Variants in ZNF740 observed in about 807,000 individuals in gnomAD.
ZNF740 encodes zinc finger protein 740, also known as oriLyt TD-element-binding protein 7.
In ZNF740, 14 loss-of-function variants were observed where a neutral mutation model predicts 24.8. The observed-to-expected ratio is 0.56, with a 90% CI of 0.37 to 0.88. The LOEUF is 0.88. ZNF740 is among the 40% of genes least tolerant of loss of function. The probability of loss-of-function intolerance (pLI) is 0.00; values close to 1 mark genes in which losing one functional copy is unlikely to be tolerated. For synonymous variants in ZNF740, 69 were observed against 84.0 expected (o/e 0.82, Z 0.98); for missense variants, 201 against 247.9 (o/e 0.81, Z 1.27).
At chr12:53,184,368 T>C (rs544435598) in intron 2 of ZNF740, among the ~76,000 whole-genome samples, 15 of 152,224 alleles carry the variant, frequency 9.9e-5, no homozygotes, top group African/African-American at 3.1e-4. Context: ...CTTGTATTTT[T>C]AGTATAGACA....
In ZNF740 at chr12:53,182,305, T is replaced by C. The variant is rs868795299; in HGVS notation, c.9+313T>C. 34 of 292,964 alleles carry C rather than the reference T, an allele frequency of 1.2e-4. No homozygotes were observed. In the Middle Eastern group the frequency reaches 2.8e-3, roughly 24 times the overall value. 18.1% of individuals were successfully genotyped at this position (292,964 alleles called of 1,614,324 possible). A position where few individuals can be genotyped will look rare whatever the true frequency, so the allele number is the denominator to read the frequency against. On this transcript the variant is annotated intron_variant, in intron 2 of 6. Coordinates refer to ENST00000416904, the MANE Select transcript of ZNF740 (RefSeq NM_001004304.4). ...GTAAGGGAGTGAATAGTACGGTGAATGCTTCTTTTGTTTTTTTCCAACAGG... is the reference window on the plus strand; with the variant it reads ...GTAAGGGAGTGAATAGTACGGTGAACGCTTCTTTTGTTTTTTTCCAACAGG...
At chr12:53,184,220 G>A (rs796492988) in intron 2 of ZNF740, among the ~76,000 whole-genome samples, 3 of 136,128 alleles carry the variant, frequency 2.2e-5, no homozygotes, top group Admixed American at 7.8e-5. Context: ...AGGGATTCTC[G>A]CTCTGTTGCC....
In ZNF740 at chr12:53,192,559, G is replaced by C. The variant is rs756902852; in HGVS notation, c.*4969G>C. The stretch of plus-strand genomic sequence containing the variant: ...AGTCCCTGTGTAGTAGATGCCAATA[G>C]GTTACCAGCTGGGCAGTTGTCACCC... On this transcript the variant is annotated 3_prime_UTR_variant, in exon 7 of 7. Coordinates refer to ENST00000416904, the MANE Select transcript of ZNF740 (RefSeq NM_001004304.4). 6.2e-7 allele frequency: 1 copy of C among 1,611,698 alleles called. No individual in the cohort carries two copies. The highest frequency in any genetic ancestry group is 1.3e-5 in the African/African-American group (1 of 75,034).
At position 53,181,909 on chromosome 12, in the gene ZNF740, A is replaced by T; in HGVS notation, c.-75A>T. ...TACCGTGATTTGGTGACAGTTCTTC[A>T]AAACGACAGTGTCTCAAGGAAAGGT... is the stretch of plus-strand genomic sequence containing the variant. On this transcript the variant is annotated 5_prime_UTR_variant, in exon 2 of 7. Coordinates refer to ENST00000416904, the MANE Select transcript of ZNF740 (RefSeq NM_001004304.4). 6.4e-7 allele frequency: 1 copy of T among 1,568,420 alleles called. No individual in the cohort carries two copies. The highest frequency in any genetic ancestry group is 2.3e-5 in the East Asian group (1 of 43,214).
Position 53,192,362 on chromosome 12 carries a change from C to A in ZNF740, c.*4772C>A. 1 of 1,614,108 alleles carries A rather than the reference C, an allele frequency of 6.2e-7. No individual in the cohort carries two copies. Among genetic ancestry groups the A allele is most frequent in the Non-Finnish European group, 8.5e-7 (1 of 1,180,036 alleles). ...GGGTCTCACTCTGAGCACGACCGTG[C>A]CTCTGGCGTCATCCTCCACCAAGAA... On this transcript the variant is annotated 3_prime_UTR_variant, in exon 7 of 7. Transcript: ENST00000416904.
At chr12:53,182,895 A>C (rs899643299) in intron 2 of ZNF740, among the ~76,000 whole-genome samples, 4 of 152,104 alleles carry the variant, frequency 2.6e-5, no homozygotes, top group South Asian at 2.1e-4. Flanking sequence ...ATTATTGTGG[A>C]GGTAGAGGAT....
intron 4 of ZNF740, 134 bp downstream of exon 4, chr12:53,185,610 A>C: frequency 1.2e-6 from 1 of 808,558 alleles, no homozygotes; most frequent in Non-Finnish European, 2.0e-6. Context: ...TGAGTCCCCC[A>C]GATTTCATCC....
In ZNF740 at chr12:53,192,355, G is replaced by A. The variant is rs755930937; in HGVS notation, c.*4765G>A. The A allele has an allele frequency of 1.4e-4, 232 of 1,613,984 alleles. 3 individuals are homozygous for A. In the Middle Eastern group the frequency reaches 1.8e-3, roughly 13 times the overall value. Reference sequence around the variant, plus strand: ...TTTCTTGGGGTCTCACTCTGAGCACGACCGTGCCTCTGGCGTCATCCTCCA... The same window carrying A: ...TTTCTTGGGGTCTCACTCTGAGCACAACCGTGCCTCTGGCGTCATCCTCCA... On this transcript the variant is annotated 3_prime_UTR_variant, in exon 7 of 7. Transcript: ENST00000416904.
Position 53,187,567 on chromosome 12 carries a change from T to G in ZNF740, c.559T>G (p.Ser187Ala), listed in dbSNP as rs754737869. Residue 187 changes from serine to alanine, a missense_variant, in exon 7 of 7, where the codon TCC becomes GCC. Coordinates refer to ENST00000416904, the MANE Select transcript of ZNF740 (RefSeq NM_001004304.4). ...GTGCCAAGGGTGCCAGTCCAAGACTTCCGACGGGCAGTTTTCTCTATAGGC... is the reference window on the plus strand; with the variant it reads ...GTGCCAAGGGTGCCAGTCCAAGACTGCCGACGGGCAGTTTTCTCTATAGGC... The part of the protein sequence containing the change: ...RMCQGCQSKT[S>A]DGQFSL 1 of 1,614,006 alleles carries G rather than the reference T, an allele frequency of 6.2e-7. No individual in the cohort carries two copies. Among genetic ancestry groups the G allele is most frequent in the Non-Finnish European group, 8.5e-7 (1 of 1,179,890 alleles).
At chr12:53,181,202 C>CA in intron 1 of ZNF740, 2 of 985,446 alleles carry the variant, frequency 2.0e-6, no homozygotes, top group South Asian at 4.7e-5. Flanking sequence ...GCCTGTCCTC[C>CA]ACCTCCGCAG....
intron 2 of ZNF740, 73 bp downstream of exon 2, chr12:53,182,065 TA>T: frequency 6.4e-7 from 1 of 1,564,754 alleles, no homozygotes. Flanking sequence ...AATGCTGCCT[TA>T]GTCAACATAT....
At chr12:53,186,182 A>G (rs1345545845) in intron 5 of ZNF740, 105 bp downstream of exon 5, 8 of 1,416,496 alleles carry the variant, frequency 5.6e-6, no homozygotes, top group Non-Finnish European at 7.7e-6. Context: ...AAGTATTAGA[A>G]ATGAAGGAAG....
chr12:53,182,548 A>G (rs746401030), intron 2 of ZNF740, among the ~76,000 whole-genome samples: 15 of 152,136 alleles, frequency 9.9e-5, no homozygotes, highest in Non-Finnish European at 2.9e-5. Flanking sequence ...GGGTATGTAC[A>G]TAGGAGAGAA....
rs1455617699 is a variant in ZNF740 at position 53,194,199 on chromosome 12, G to C, written c.*6609G>C. On this transcript the variant is annotated 3_prime_UTR_variant, in exon 7 of 7. Transcript: ENST00000416904. ...CTGCCTGTGCTTGCTGGCTCTCACC[G>C]TCTGGTTGATTCGGACGTGGTTGCA... 6.2e-7 allele frequency: 1 copy of C among 1,613,814 alleles called. No homozygotes were observed. The highest frequency in any genetic ancestry group is 1.3e-5 in the African/African-American group (1 of 74,828).
At chr12:53,182,091 G>C in intron 2 of ZNF740, 99 bp downstream of exon 2, 1 of 1,505,730 alleles carries the variant, frequency 6.6e-7, no homozygotes, top group Non-Finnish European at 9.0e-7. Context: ...CAACCCCAGT[G>C]ATCCAAGCTC....
rs3817537 is a variant in ZNF740, at chr12:53,193,621, G to A, written c.*6031G>A. The A allele has an allele frequency of 1.2e-5, 14 of 1,192,846 alleles. No individual in the cohort carries two copies. Among genetic ancestry groups the A allele is most frequent in the Non-Finnish European group, 1.6e-5 (14 of 851,022 alleles). The allele number at this position is 1,192,846 out of a possible 1,614,324, so 73.9% of individuals were successfully genotyped here. Reference sequence around the variant, plus strand: ...TCGGGATGTCGAGGAGACTCCTGTGGGGGGGATGGAAAGCAGCGGAGGAAT... The same window carrying A: ...TCGGGATGTCGAGGAGACTCCTGTGAGGGGGATGGAAAGCAGCGGAGGAAT... On this transcript the variant is annotated 3_prime_UTR_variant, in exon 7 of 7. Transcript: ENST00000416904.
In ZNF740 at chr12:53,193,925, C is replaced by T. The variant is rs1317820928; in HGVS notation, c.*6335C>T. ...ACCTGAGAAGAGGCAGGAATCAGGC[C>T]ATGGTTATACACATGCACACACACA... is the stretch of plus-strand genomic sequence containing the variant. On this transcript the variant is annotated 3_prime_UTR_variant, in exon 7 of 7. Coordinates refer to ENST00000416904, the MANE Select transcript of ZNF740 (RefSeq NM_001004304.4). 1.3e-6 allele frequency: 2 copies of T among 1,595,086 alleles called. No homozygotes were observed. The highest frequency in any genetic ancestry group is 2.2e-5 in the East Asian group (1 of 44,792).
chr12:53,182,726 G>A (rs1430279867), intron 2 of ZNF740, among the ~76,000 whole-genome samples: 5 of 152,130 alleles, frequency 3.3e-5, no homozygotes, highest in African/African-American at 7.2e-5. Flanking sequence ...TGATAGTTAC[G>A]GAGTAAGGGA....
At position 53,192,862 on chromosome 12, in the gene ZNF740, G is replaced by A. The variant is rs146341613; in HGVS notation, c.*5272G>A. ...CCCACTGCATTCGCATGCTCTGCCC[G>A]TGCGGTTGGCATGACAGTGACATAC... On this transcript the variant is annotated 3_prime_UTR_variant, in exon 7 of 7. Transcript: ENST00000416904. 3.0e-5 allele frequency: 48 copies of A among 1,614,066 alleles called. No homozygotes were observed. Among genetic ancestry groups the A allele is most frequent in the East Asian group, 6.7e-5 (3 of 44,902 alleles).
Sources: allele counts gnomAD v4.1 joint callset (sites outside exome capture counted in the v4.1 genomes callset), GRCh38; gene constraint gnomAD v4.1.1; transcripts MANE v1.5; gene names NCBI Gene and HGNC (gene_info 2026-07-23, HGNC 2026-07-21).